Variants in MTR observed in about 807,000 individuals in gnomAD.
MTR encodes 5-methyltetrahydrofolate-homocysteine methyltransferase, also known as methionine synthase.
Under a neutral mutation model 154.8 loss-of-function variants are expected in MTR, and 84 were observed. The ratio of observed to expected loss-of-function variants is 0.54; its 90% CI spans 0.45 to 0.65. The LOEUF is 0.65. Among genes scored for constraint, MTR ranks in the 30% least tolerant of loss-of-function variants. The pLI, the probability that MTR is intolerant of heterozygous loss-of-function variation, is 0.00. For synonymous variants in MTR, 554 were observed against 553.9 expected (o/e 1.00, Z 0.00); for missense variants, 1,275 against 1,570.2 (o/e 0.81, Z 3.18).
At chr1:236,829,084 T>C in intron 11 of MTR, 105 bp from the exon 12 acceptor site, 18 of 873,416 alleles carry the variant, frequency 2.1e-5, no homozygotes, top group South Asian at 1.3e-4. Flanking sequence ...TGTATAGTTA[T>C]GTTAAATAGA....
At position 236,894,111 on chromosome 1, in the gene MTR, C is replaced by T. The variant is rs573588122; in HGVS notation, c.3205-246C>T. The stretch of plus-strand genomic sequence containing the variant: ...ACTGGTGTCTTGACAATTTATGTTA[C>T]GTCATGTCATACATTTTTTAAAAAT... On this transcript the variant is annotated intron_variant, in intron 29 of 32. Transcript: ENST00000366577. Among the ~76,000 whole-genome samples, 225 of 152,006 alleles carry T rather than the reference C, an allele frequency of 1.5e-3. 2 individuals carry two copies. Among genetic ancestry groups the T allele is most frequent in the African/African-American group, 5.1e-3 (212 of 41,436 alleles).
intron 8 of MTR, among the ~76,000 whole-genome samples, chr1:236,817,673 C>T (rs1661676710): frequency 6.6e-6 from 1 of 152,122 alleles, no homozygotes; most frequent in Non-Finnish European, 1.5e-5. Context: ...CTTTTAACCC[C>T]TGTGTTAGAT....
chr1:236,852,971 G>A lies in MTR; in HGVS notation c.1836G>A (p.Val612=), dbSNP rs1014468250. 1.2e-6 allele frequency: 2 copies of A among 1,613,990 alleles called. No homozygotes were observed. Among genetic ancestry groups the A allele is most frequent in the Non-Finnish European group, 1.7e-6 (2 of 1,179,910 alleles). Residue 612 remains valine, a synonymous_variant, in exon 18 of 33, where the codon GTG becomes GTA. Transcript: ENST00000366577. Reference sequence around the variant, plus strand: ...AGTCTGGCATGGACATGGGGATAGTGAATGCTGGAAACCTCCCTGTGTATG... The same window carrying A: ...AGTCTGGCATGGACATGGGGATAGTAAATGCTGGAAACCTCCCTGTGTATG... The part of the protein sequence containing the change: ...AIKSGMDMGI[V]NAGNLPVYDD...
chr1:236,816,389 TTATATC>T (rs1371466959), intron 7 of MTR, 54 bp from the exon 8 acceptor site: 35 of 1,431,258 alleles, frequency 2.4e-5, no homozygotes, highest in Middle Eastern at 1.7e-4. Context: ...TATTTTGCCT[TTATATC>T]TATATTCTTA....
At chr1:236,826,513 C>G (rs1662295359) in intron 10 of MTR, among the ~76,000 whole-genome samples, 1 of 152,174 alleles carries the variant, frequency 6.6e-6, no homozygotes, top group Admixed American at 6.5e-5. Flanking sequence ...CCAGGCTGGT[C>G]TCAAATTCCT....
intron 1 of MTR, among the ~76,000 whole-genome samples, chr1:236,802,603 G>A (rs1236918355): frequency 6.6e-6 from 1 of 151,994 alleles, no homozygotes; most frequent in East Asian, 1.9e-4. Context: ...AGTTTGAGGA[G>A]CCTCCAACAG....
In MTR at chr1:236,863,104, C is replaced by CT. The variant is rs557130131; in HGVS notation, c.2305-348dup. ...ACATACACATACAGTTAACCTGTTCCTTCCCCTCTCCCCTGCCTCTCCCTT... is the reference window on the plus strand; with the variant it reads ...ACATACACATACAGTTAACCTGTTCCTTTCCCCTCTCCCCTGCCTCTCCCTT... On this transcript the variant is annotated intron_variant, in intron 21 of 32. Coordinates refer to ENST00000366577, the MANE Select transcript of MTR (RefSeq NM_000254.3). Among the ~76,000 whole-genome samples, 290 of 152,272 alleles carry CT rather than the reference C, an allele frequency of 1.9e-3. 4 individuals are homozygous for CT. The Middle Eastern group carries it at 0.048, about 25-fold the overall frequency.
At chr1:236,807,852 C>G (rs1318340520) in intron 3 of MTR, among the ~76,000 whole-genome samples, 1 of 152,156 alleles carries the variant, frequency 6.6e-6, no homozygotes, top group East Asian at 1.9e-4. Flanking sequence ...TGCAACTGCT[C>G]AACTCCATCA....
chr1:236,893,710 G>A (rs1666461090), intron 29 of MTR, among the ~76,000 whole-genome samples: 1 of 152,150 alleles, frequency 6.6e-6, no homozygotes, highest in Non-Finnish European at 1.5e-5. Context: ...TTGCTTATGA[G>A]CTGAGGGTGA....
intron 19 of MTR, among the ~76,000 whole-genome samples, chr1:236,860,165 C>G (rs1236132711): frequency 6.8e-6 from 1 of 146,246 alleles, no homozygotes; most frequent in Non-Finnish European, 1.5e-5. Context: ...TACTGGCATC[C>G]TATGGCCAGG....
chr1:236,892,871 C>T (rs1008394069), intron 29 of MTR, among the ~76,000 whole-genome samples: 1 of 152,162 alleles, frequency 6.6e-6, no homozygotes, highest in Admixed American at 6.6e-5. Flanking sequence ...CATTCATGTC[C>T]GGGCAGTCTG....
chr1:236,815,663 T>A lies in MTR; in HGVS notation c.669T>A (p.Phe223Leu), dbSNP rs977008218. ...FEEKYAPRPI[F>L]ISGTIVDKSG... ...AGAAATATGCTCCCCGGCCTATCTTTGTAAGTTCTAAAGTGTTTGCACAAT... is the reference window on the plus strand; with the variant it reads ...AGAAATATGCTCCCCGGCCTATCTTAGTAAGTTCTAAAGTGTTTGCACAAT... Residue 223 changes from phenylalanine (F) to leucine (L), a missense_variant and splice_region_variant, in exon 7 of 33, where the codon TTT becomes TTA. Physicochemically the swap from Phe to Leu is conservative, Grantham distance 22. Coordinates refer to ENST00000366577, the MANE Select transcript of MTR (RefSeq NM_000254.3). 6 of 1,609,398 alleles carry A rather than the reference T, an allele frequency of 3.7e-6. No homozygotes were observed. Among genetic ancestry groups the A allele is most frequent in the Non-Finnish European group, 5.1e-6 (6 of 1,179,216 alleles).
At chr1:236,842,271 G>A (rs1220819812) in intron 15 of MTR, among the ~76,000 whole-genome samples, 1 of 152,128 alleles carries the variant, frequency 6.6e-6, no homozygotes, top group African/African-American at 2.4e-5. Context: ...TGTGTTCACC[G>A]TGTTCTGAAC....
At chr1:236,820,635 T>G in intron 8 of MTR, 1 of 534,090 alleles carries the variant, frequency 1.9e-6, no homozygotes, top group Non-Finnish European at 3.3e-6. Context: ...CAGGTTTTTG[T>G]GTAGACATAA....
intron 1 of MTR, among the ~76,000 whole-genome samples, chr1:236,802,574 T>A (rs1292963073): frequency 6.6e-6 from 1 of 151,920 alleles, no homozygotes; most frequent in African/African-American, 2.4e-5. Context: ...CAAGAGGATT[T>A]TGAGGTGGAG....
intron 16 of MTR, 135 bp from the exon 17 acceptor site, chr1:236,852,384 CAA>C (rs1349317793): frequency 4.2e-6 from 3 of 722,124 alleles, no homozygotes; most frequent in Admixed American, 4.1e-5. Flanking sequence ...TGTCTAGTAA[CAA>C]GAAGCTCTGA....
chr1:236,816,494 C>A lies in MTR; in HGVS notation c.715C>A (p.Gln239Lys). The stretch of plus-strand genomic sequence containing the variant: ...TAAAAGTGGGCGGACTCTTTCCGGA[C>A]AGACAGGAGAGGGATTTGTCATCAG... ...VDKSGRTLSG[Q>K]TGEGFVISVS... Residue 239 changes from glutamine to lysine, a missense_variant, in exon 8 of 33, where the codon CAG (glutamine) becomes AAG (lysine). Coordinates refer to ENST00000366577, the MANE Select transcript of MTR (RefSeq NM_000254.3). The A allele has an allele frequency of 6.2e-7, 1 of 1,614,152 alleles. No individual in the cohort carries two copies. The highest frequency in any genetic ancestry group is 1.1e-5 in the South Asian group (1 of 91,080).
intron 8 of MTR, among the ~76,000 whole-genome samples, chr1:236,820,786 CTGT>C (rs1029864638): frequency 6.6e-6 from 1 of 152,180 alleles, no homozygotes; most frequent in African/African-American, 2.4e-5. Flanking sequence ...AGGAGAGTTC[CTGT>C]TGTTCCGCAT....
At chr1:236,811,383 T>TAA (rs1268788051) in intron 5 of MTR, among the ~76,000 whole-genome samples, 1 of 152,138 alleles carries the variant, frequency 6.6e-6, no homozygotes, top group Non-Finnish European at 1.5e-5. Context: ...TAAACATACT[T>TAA]ATATTGAGAT....
Sources: gnomAD v4.1 joint callset for allele counts (sites outside exome capture counted in the v4.1 genomes callset) on GRCh38, gnomAD v4.1.1 for gene constraint, MANE v1.5 for transcripts, NCBI Gene and HGNC (gene_info 2026-07-23, HGNC 2026-07-21) for gene names.